MLLT3: variants seen among roughly 807,000 people sequenced by gnomAD.
The protein encoded by MLLT3 is MLLT3 super elongation complex subunit, also known as protein AF-9.
A neutral mutation model predicts 53.2 loss-of-function variants in MLLT3; 4 were observed. The ratio of observed to expected loss-of-function variants is 0.08; its 90% CI spans 0.04 to 0.17. The LOEUF is 0.17. Ranked by LOEUF, MLLT3 falls within the 10% of genes least tolerant of loss-of-function variation. The pLI, the probability that MLLT3 is intolerant of heterozygous loss-of-function variation, is 1.00. For synonymous variants in MLLT3, 283 were observed against 230.6 expected (o/e 1.23, Z -2.06); for missense variants, 569 against 684.0 (o/e 0.83, Z 1.87).
intron 5 of MLLT3, among the ~76,000 whole-genome samples, chr9:20,402,514 T>C (rs1354118740): frequency 6.6e-6 from 1 of 151,980 alleles, no homozygotes; most frequent in Non-Finnish European, 1.5e-5. Context: ...CTGGGTTTCG[T>C]CCGCTGAGAA....
In MLLT3 at chr9:20,475,930, G is replaced by A. The variant is rs117268770; in HGVS notation, c.194-19144C>T. The stretch of plus-strand genomic sequence containing the variant: ...ATTGTCCTACTGAAACAAACTATGC[G>A]TTTCACTGATACATGTTTTTCTAAA... On this transcript the variant is annotated intron_variant, in intron 2 of 10. Coordinates refer to ENST00000380338, the MANE Select transcript of MLLT3 (RefSeq NM_004529.4). Among the ~76,000 whole-genome samples the A allele has an allele frequency of 1.0e-3, 153 of 152,162 alleles. 2 individuals are homozygous for A. The South Asian group carries it at 0.017, about 16-fold the overall frequency.
intron 8 of MLLT3, among the ~76,000 whole-genome samples, chr9:20,356,712 G>C (rs1311505936): frequency 1.3e-5 from 2 of 152,160 alleles, no homozygotes; most frequent in Non-Finnish European, 2.9e-5. Context: ...ATTTGCAATA[G>C]AACTTTGCTA....
intron 2 of MLLT3, among the ~76,000 whole-genome samples, chr9:20,604,768 T>C (rs1205594723): frequency 6.6e-6 from 1 of 152,144 alleles, no homozygotes; most frequent in African/African-American, 2.4e-5. Context: ...AGTAACCAGA[T>C]CGTTTCTATT....
intron 2 of MLLT3, among the ~76,000 whole-genome samples, chr9:20,564,331 G>T (rs1473741523): frequency 6.7e-6 from 1 of 149,728 alleles, no homozygotes; most frequent in African/African-American, 2.4e-5. Flanking sequence ...GAGGGAAAAT[G>T]AGGAGACTTA....
intron 5 of MLLT3, among the ~76,000 whole-genome samples, chr9:20,379,668 G>A (rs1010867689): frequency 6.6e-5 from 10 of 151,956 alleles, no homozygotes; most frequent in Non-Finnish European, 1.5e-4. Context: ...CAATAAGAAG[G>A]TACTTTTCAG....
chr9:20,352,382 A>C (rs139723170), intron 10 of MLLT3, among the ~76,000 whole-genome samples: 2 of 152,228 alleles, frequency 1.3e-5, no homozygotes, highest in African/African-American at 4.8e-5. Context: ...GCCAGCCCCA[A>C]ATATTTGGAA....
At chr9:20,548,095 A>G (rs975716121) in intron 2 of MLLT3, among the ~76,000 whole-genome samples, 1 of 152,250 alleles carries the variant, frequency 6.6e-6, no homozygotes, top group African/African-American at 2.4e-5. Context: ...CACATACCCA[A>G]GTTGCTCTAA....
At chr9:20,580,883 C>G (rs1464380037) in intron 2 of MLLT3, among the ~76,000 whole-genome samples, 1 of 152,200 alleles carries the variant, frequency 6.6e-6, no homozygotes, top group African/African-American at 2.4e-5. Flanking sequence ...TTACACAGGG[C>G]TAACCTGCCT....
At chr9:20,587,883 T>A (rs1221860766) in intron 2 of MLLT3, among the ~76,000 whole-genome samples, 1 of 152,208 alleles carries the variant, frequency 6.6e-6, no homozygotes, top group Non-Finnish European at 1.5e-5. Context: ...TTGTTGACAT[T>A]GCTTTTGGTG....
At chr9:20,502,230 A>C (rs1002171035) in intron 2 of MLLT3, 1 of 154,120 alleles carries the variant, frequency 6.5e-6, no homozygotes, top group Non-Finnish European at 1.5e-5. Context: ...TTGACAGGGC[A>C]CCACAAATGA....
At chr9:20,510,979 T>A (rs1180119369) in intron 2 of MLLT3, among the ~76,000 whole-genome samples, 1 of 152,210 alleles carries the variant, frequency 6.6e-6, no homozygotes, top group Non-Finnish European at 1.5e-5. Context: ...TATAGAATAT[T>A]ATGCAGCCAT....
At chr9:20,536,911 A>G (rs1003802355) in intron 2 of MLLT3, among the ~76,000 whole-genome samples, 1 of 152,028 alleles carries the variant, frequency 6.6e-6, no homozygotes, top group African/African-American at 2.4e-5. Flanking sequence ...CACTACATTT[A>G]TAGACAGCAG....
chr9:20,451,795 T>C (rs1823845867), intron 3 of MLLT3, among the ~76,000 whole-genome samples: 1 of 152,238 alleles, frequency 6.6e-6, no homozygotes, highest in Admixed American at 6.5e-5. Context: ...CTCTCTTTTC[T>C]GAGATCAGAC....
At chr9:20,575,202 T>C (rs1224008080) in intron 2 of MLLT3, among the ~76,000 whole-genome samples, 1 of 152,180 alleles carries the variant, frequency 6.6e-6, no homozygotes, top group Non-Finnish European at 1.5e-5. Flanking sequence ...CTCCTATTCG[T>C]GTTAATGTTC....
At chr9:20,353,190 C>A (rs1041808975) in intron 10 of MLLT3, among the ~76,000 whole-genome samples, 6 of 152,194 alleles carry the variant, frequency 3.9e-5, no homozygotes, top group African/African-American at 1.4e-4. Flanking sequence ...AACCAGAAGC[C>A]TGGCCCCAAA....
chr9:20,374,371 A>G (rs1821696995), intron 5 of MLLT3, among the ~76,000 whole-genome samples: 1 of 152,208 alleles, frequency 6.6e-6, no homozygotes, highest in African/African-American at 2.4e-5. Flanking sequence ...GTGACAAGAC[A>G]AGTCTCTGTC....
intron 2 of MLLT3, among the ~76,000 whole-genome samples, chr9:20,546,256 T>G (rs1371457770): frequency 6.6e-6 from 1 of 152,168 alleles, no homozygotes; most frequent in African/African-American, 2.4e-5. Flanking sequence ...AATCTACACA[T>G]GTAATTTAAA....
intron 10 of MLLT3, among the ~76,000 whole-genome samples, chr9:20,351,324 C>T (rs531837450): frequency 2.6e-5 from 4 of 152,334 alleles, no homozygotes; most frequent in South Asian, 4.1e-4. Context: ...TTCCCCCAGA[C>T]GTGGATGCAA....
At chr9:20,359,119 T>C (rs1821251850) in intron 8 of MLLT3, among the ~76,000 whole-genome samples, 2 of 113,426 alleles carry the variant, frequency 1.8e-5, no homozygotes, top group African/African-American at 3.6e-5. Flanking sequence ...CACTCCAGCC[T>C]GGGCAACAAG....
Sources: allele counts gnomAD v4.1 joint callset (sites outside exome capture counted in the v4.1 genomes callset), GRCh38; gene constraint gnomAD v4.1.1; transcripts MANE v1.5; gene names NCBI Gene and HGNC (gene_info 2026-07-23, HGNC 2026-07-21).